Variants in CFAP44 observed in about 807,000 individuals in gnomAD.
The protein encoded by CFAP44 is cilia and flagella associated protein 44, also known as cilia- and flagella-associated protein 44.
Under a neutral mutation model 216.2 loss-of-function variants are expected in CFAP44, and 134 were observed. The observed-to-expected ratio is 0.62, with a 90% confidence interval of 0.54 to 0.72. The LOEUF (loss-of-function observed/expected upper bound fraction) is 0.72, where lower values mean the gene tolerates loss of function less well. Among genes scored for constraint, CFAP44 ranks in the 30% least tolerant of loss-of-function variants. The probability of loss-of-function intolerance (pLI) is 0.00; values close to 1 mark genes in which losing one functional copy is unlikely to be tolerated. For synonymous variants in CFAP44, 700 were observed against 727.6 expected (o/e 0.96, Z 0.61); for missense variants, 2,035 against 2,182.1 (o/e 0.93, Z 1.34).
chr3:113,395,492 T>C (rs1933964379), intron 15 of CFAP44, among the ~76,000 whole-genome samples: 1 of 152,034 alleles, frequency 6.6e-6, no homozygotes, highest in Non-Finnish European at 1.5e-5. Flanking sequence ...ATAACCCTGG[T>C]TTTTGAGAGA....
intron 17 of CFAP44, among the ~76,000 whole-genome samples, chr3:113,378,633 T>C (rs75113390): frequency 0.081 from 12,315 of 152,172 alleles, 595 homozygotes; most frequent in East Asian, 0.15. Context: ...AAAATTATAA[T>C]GAAGGAAATC....
rs1483230295 is a variant in CFAP44, at chr3:113,330,393, T to C, written c.3891A>G (p.Thr1297=). ...ATCCTCCAACTGGGCCTCCAGACCC[T>C]GTCTGTTCCACTCCGGGGGACTTTT... ...KDEKSPGVEQ[T]GSGGPVGGFL... Residue 1297 remains threonine (T), a synonymous_variant, in exon 26 of 35, where the codon ACA becomes ACG. Coordinates refer to ENST00000393845, the MANE Select transcript of CFAP44 (RefSeq NM_001164496.2). 6.5e-7 allele frequency: 1 copy of C among 1,537,408 alleles called. No individual in the cohort carries two copies. The highest frequency in any genetic ancestry group is 2.0e-5 in the Admixed American group (1 of 50,992).
chr3:113,384,760 T>G (rs1933603254), intron 15 of CFAP44, among the ~76,000 whole-genome samples: 1 of 152,210 alleles, frequency 6.6e-6, no homozygotes, highest in Non-Finnish European at 1.5e-5. Context: ...TTTGTTGTAT[T>G]TTGTTATGGT....
chr3:113,364,005 A>G (rs1950565977), intron 19 of CFAP44, among the ~76,000 whole-genome samples: 1 of 152,130 alleles, frequency 6.6e-6, no homozygotes. Context: ...TCACCTTCTC[A>G]AAGGAAGACA....
chr3:113,412,824 T>C (rs1011550525), intron 6 of CFAP44, among the ~76,000 whole-genome samples: 7 of 152,144 alleles, frequency 4.6e-5, no homozygotes, highest in African/African-American at 1.7e-4. Flanking sequence ...AATAGTGTTG[T>C]AATAAACATA....
intron 12 of CFAP44, among the ~76,000 whole-genome samples, chr3:113,400,338 A>G (rs981977507): frequency 1.3e-5 from 2 of 152,142 alleles, no homozygotes; most frequent in South Asian, 2.1e-4. Flanking sequence ...AGCAATTTAC[A>G]GATTTTGTCC....
Position 113,291,665 on chromosome 3 carries a change from C to A in CFAP44, c.5457G>T (p.Arg1819Ser), listed in dbSNP as rs897777272. The A allele has an allele frequency of 4.6e-6, 7 of 1,537,288 alleles. No homozygotes were observed. The highest frequency in any genetic ancestry group is 2.7e-5 in the African/African-American group (2 of 73,056). The change falls in exon 35 of 35, where the codon AGG becomes AGT. Residue 1819 changes from arginine to serine, a missense_variant. Coordinates refer to ENST00000393845, the MANE Select transcript of CFAP44 (RefSeq NM_001164496.2). ...VTELIQLQAE[R>S]ISALKEEIAL... ...CAATCTCCTCCTTTAAGGCCGAAAT[C>A]CTTTCCGCCTGGAGTTGGATCAATT... is the stretch of plus-strand genomic sequence containing the variant.
chr3:113,414,492 G>A (rs1303551892), intron 6 of CFAP44, among the ~76,000 whole-genome samples: 1 of 152,100 alleles, frequency 6.6e-6, no homozygotes, highest in East Asian at 1.9e-4. Flanking sequence ...TATTGGCTGT[G>A]GGTTTGTCAT....
At chr3:113,367,214 T>C (rs2107318850) in intron 18 of CFAP44, among the ~76,000 whole-genome samples, 1 of 152,318 alleles carries the variant, frequency 6.6e-6, no homozygotes, top group African/African-American at 2.4e-5. Flanking sequence ...GCAGTGGTTC[T>C]CCCAGCACAG....
chr3:113,424,990 T>C (rs915643849), intron 4 of CFAP44, among the ~76,000 whole-genome samples: 2 of 152,118 alleles, frequency 1.3e-5, no homozygotes, highest in Non-Finnish European at 2.9e-5. Flanking sequence ...CATCAGAGCA[T>C]TGTGTACTTT....
chr3:113,343,118 A>G (rs1045842847), intron 23 of CFAP44, among the ~76,000 whole-genome samples: 19 of 135,722 alleles, frequency 1.4e-4, no homozygotes. Flanking sequence ...CTAGAGTGCA[A>G]TGATGCAATG....
chr3:113,424,488 A>C (rs1169975160), intron 4 of CFAP44, among the ~76,000 whole-genome samples: 5 of 152,160 alleles, frequency 3.3e-5, no homozygotes, highest in Non-Finnish European at 2.9e-5. Context: ...AATCAATATA[A>C]TATACTAATA....
rs763953889 is a variant in CFAP44, at chr3:113,433,617, T to C, written c.48A>G (p.Thr16=). ...GAGACTTCTTCCCATCACTCTTTGA[T>C]GTAACTGATTTCTCCCCATCAGTAT... ...DQDTDGEKSV[T]SKSDGKKSLR... Residue 16 remains threonine, a synonymous_variant, in exon 2 of 35, where the codon ACA becomes ACG. Coordinates refer to ENST00000393845, the MANE Select transcript of CFAP44 (RefSeq NM_001164496.2). 1.2e-6 allele frequency: 2 copies of C among 1,613,472 alleles called. No homozygotes were observed. The highest frequency in any genetic ancestry group is 8.5e-7 in the Non-Finnish European group (1 of 1,179,906).
chr3:113,419,402 C>T (rs911087611), intron 5 of CFAP44, among the ~76,000 whole-genome samples: 11 of 152,086 alleles, frequency 7.2e-5, no homozygotes, highest in Non-Finnish European at 1.6e-4. Flanking sequence ...ATTATATGTT[C>T]TGTGTAGTGT....
chr3:113,376,916 C>T (rs1933362108), intron 17 of CFAP44, among the ~76,000 whole-genome samples: 1 of 152,046 alleles, frequency 6.6e-6, no homozygotes. Flanking sequence ...ATCTCAGGAG[C>T]AAAGTTTTTG....
At chr3:113,385,131 T>G (rs1933611936) in intron 15 of CFAP44, among the ~76,000 whole-genome samples, 1 of 152,184 alleles carries the variant, frequency 6.6e-6, no homozygotes, top group Non-Finnish European at 1.5e-5. Context: ...CCTGCCGCCA[T>G]GTAAGACATC....
intron 18 of CFAP44, among the ~76,000 whole-genome samples, chr3:113,371,488 C>T (rs915906171): frequency 1.3e-5 from 2 of 151,522 alleles, no homozygotes; most frequent in Admixed American, 1.3e-4. Flanking sequence ...GAAAGGATTC[C>T]CTATTTAATA....
chr3:113,395,810 C>T lies in CFAP44; in HGVS notation c.1830G>A (p.Pro610=), dbSNP rs749668671. 2.2e-5 allele frequency: 35 copies of T among 1,613,664 alleles called. No individual in the cohort carries two copies. Among genetic ancestry groups the T allele is most frequent in the Middle Eastern group, 1.6e-4 (1 of 6,078 alleles). ...GTCCAGGAGTATTAATATAACCAAT[C>T]GGCTTATAATCCCTTTCCACTTCAA... ...FFFEVERDYK[P]IGYINTPGPV... is the part of the protein sequence containing the mutation. Residue 610 remains proline, a synonymous_variant, in exon 15 of 35, where the codon CCG becomes CCA. Coordinates refer to ENST00000393845, the MANE Select transcript of CFAP44 (RefSeq NM_001164496.2).
chr3:113,330,805 C>A, intron 25 of CFAP44, 137 bp from the exon 26 acceptor site: 1 of 1,222,386 alleles, frequency 8.2e-7, no homozygotes, highest in East Asian at 2.6e-5. Context: ...TACCTTTTTA[C>A]CACCAAGTTT....
Sources: gnomAD v4.1 joint callset for allele counts (sites outside exome capture counted in the v4.1 genomes callset) on GRCh38, gnomAD v4.1.1 for gene constraint, MANE v1.5 for transcripts, NCBI Gene and HGNC (gene_info 2026-07-23, HGNC 2026-07-21) for gene names.